BANP: variants seen among roughly 807,000 people sequenced by gnomAD.
BANP encodes the protein protein BANP.
Under a neutral mutation model 68.1 loss-of-function variants are expected in BANP, and 11 were observed. The ratio of observed to expected loss-of-function variants is 0.16; its 90% CI spans 0.10 to 0.27. The LOEUF (loss-of-function observed/expected upper bound fraction) is 0.27. BANP is among the 10% of genes least tolerant of loss of function. BANP has a pLI of 1.00. For missense variants in BANP, 504 were observed against 722.7 expected, an observed-to-expected ratio of 0.70 and a Z score of 3.47; for synonymous variants, 329 against 303.2, an observed-to-expected ratio of 1.09 and a Z score of -0.88.
intron 10 of BANP, among the ~76,000 whole-genome samples, chr16:88,035,837 G>T (rs1316246740): frequency 6.6e-6 from 1 of 152,244 alleles, no homozygotes; most frequent in Non-Finnish European, 1.5e-5. Flanking sequence ...GATTTCATGG[G>T]ATGGTGGGGA....
chr16:88,033,582 C>T (rs2078673981), intron 9 of BANP, among the ~76,000 whole-genome samples: 3 of 152,208 alleles, frequency 2.0e-5, no homozygotes, highest in Admixed American at 2.0e-4. Context: ...TCCTGGGAAA[C>T]ATCGGAAATA....
chr16:88,034,596 C>G lies in BANP; in HGVS notation c.1201-727C>G, dbSNP rs376769959. Among the ~76,000 whole-genome samples the G allele has an allele frequency of 2.0e-4, 5 of 24,714 alleles. No individual in the cohort carries two copies. In the South Asian group the frequency reaches 0.015, roughly 74 times the overall value. 16.2% of individuals were successfully genotyped at this position (24,714 alleles called of 152,430 possible). Reference sequence around the variant, plus strand: ...TGTAGGCACGCCAACAGCTCCCCTGCTTCAGCCACACACTGCGTAGCCTCC... The same window carrying G: ...TGTAGGCACGCCAACAGCTCCCCTGGTTCAGCCACACACTGCGTAGCCTCC... On this transcript the variant is annotated intron_variant, in intron 9 of 13. Transcript: ENST00000682872.
chr16:88,019,744 A>T (rs1417392255), intron 7 of BANP, among the ~76,000 whole-genome samples: 2 of 144,252 alleles, frequency 1.4e-5, no homozygotes, highest in African/African-American at 2.5e-5. Flanking sequence ...GTGCAGGGCC[A>T]GCTGTTCCAG....
chr16:87,962,248 AAAAAAAAAG>A (rs1785374813), intron 1 of BANP, among the ~76,000 whole-genome samples: 2 of 150,806 alleles, frequency 1.3e-5, no homozygotes, highest in African/African-American at 4.9e-5. Flanking sequence ...TCAAAAAAAA[AAAAAAAAAG>A]AAAGCACATT....
chr16:88,074,619 C>G (rs1323307084), intron 13 of BANP, among the ~76,000 whole-genome samples: 2 of 152,134 alleles, frequency 1.3e-5, no homozygotes, highest in Non-Finnish European at 2.9e-5. Flanking sequence ...GCCCCACTGT[C>G]CCCACCCACC....
At chr16:87,981,315 T>C (rs1324667694) in intron 3 of BANP, among the ~76,000 whole-genome samples, 188 bp downstream of exon 3, 1 of 152,202 alleles carries the variant, frequency 6.6e-6, no homozygotes, top group Non-Finnish European at 1.5e-5. Context: ...CCTTCCTGCC[T>C]CTTCCAGCTT....
At chr16:88,039,407 G>T (rs562815619) in intron 11 of BANP, among the ~76,000 whole-genome samples, 2 of 144,170 alleles carry the variant, frequency 1.4e-5, no homozygotes, top group African/African-American at 4.9e-5. Context: ...AGGGCTCATA[G>T]CTGGCGGTCC....
intron 11 of BANP, among the ~76,000 whole-genome samples, chr16:88,055,705 G>A (rs2152845980): frequency 6.6e-6 from 1 of 152,218 alleles, no homozygotes; most frequent in South Asian, 2.1e-4. Context: ...TTTCCAGGAG[G>A]CTTTAGGCCA....
chr16:87,981,345 C>G (rs2063226855), intron 3 of BANP, among the ~76,000 whole-genome samples: 1 of 152,220 alleles, frequency 6.6e-6, no homozygotes, highest in African/African-American at 2.4e-5. Flanking sequence ...CCGGCCCTGC[C>G]TCAGCTTGTG....
chr16:88,060,317 A>T (rs972659278), intron 11 of BANP, among the ~76,000 whole-genome samples: 17 of 152,098 alleles, frequency 1.1e-4, no homozygotes, highest in African/African-American at 4.1e-4. Context: ...CCTGCTGGTC[A>T]CTCCTCCACT....
intron 13 of BANP, among the ~76,000 whole-genome samples, chr16:88,073,142 A>G (rs1477692479): frequency 6.6e-6 from 1 of 152,220 alleles, no homozygotes; most frequent in Non-Finnish European, 1.5e-5. Flanking sequence ...GGTCCTCCTC[A>G]GGAGGCGCTT....
At chr16:87,998,426 G>T (rs946839654) in intron 4 of BANP, among the ~76,000 whole-genome samples, 1 of 149,992 alleles carries the variant, frequency 6.7e-6, no homozygotes, top group African/African-American at 2.4e-5. Flanking sequence ...TGCTGTCTGT[G>T]CCATCTGCGT....
At position 88,076,889 on chromosome 16, in the gene BANP, C is replaced by G. The variant is rs2091707309; in HGVS notation, c.*228C>G. 1.9e-6 allele frequency: 1 copy of G among 538,578 alleles called. No individual in the cohort carries two copies. Among genetic ancestry groups the G allele is most frequent in the African/African-American group, 1.9e-5 (1 of 51,984 alleles). The allele number at this position is 538,578 out of a possible 1,614,324, so 33.4% of individuals were successfully genotyped here. A position where few individuals can be genotyped will look rare whatever the true frequency, so the allele number is the denominator to read the frequency against. On this transcript the variant is annotated 3_prime_UTR_variant, in exon 14 of 14. Transcript: ENST00000682872. Reference sequence around the variant, plus strand: ...TTGAGTCCTGCTGTTGGTGTCGGAGCACGAGGGGAGGCACGGTGCGGAGAG... The same window carrying G: ...TTGAGTCCTGCTGTTGGTGTCGGAGGACGAGGGGAGGCACGGTGCGGAGAG...
intron 4 of BANP, among the ~76,000 whole-genome samples, chr16:87,984,622 T>A (rs2063932897): frequency 6.6e-6 from 1 of 152,262 alleles, no homozygotes; most frequent in South Asian, 2.1e-4. Context: ...TTTATACATT[T>A]CACATGAATA....
chr16:88,045,467 G>A (rs1210560934), intron 11 of BANP, among the ~76,000 whole-genome samples: 4 of 152,250 alleles, frequency 2.6e-5, no homozygotes, highest in African/African-American at 9.6e-5. Flanking sequence ...AGCAGCCCTT[G>A]GGGGCCAGAG....
intron 5 of BANP, among the ~76,000 whole-genome samples, chr16:88,005,826 G>T (rs190778712): frequency 1.1e-3 from 168 of 152,360 alleles, no homozygotes; most frequent in Middle Eastern, 6.8e-3. Context: ...CTAGGCCTGA[G>T]TCCCAGTGAG....
At position 88,076,595 on chromosome 16, in the gene BANP, C is replaced by G. The variant is rs966909294; in HGVS notation, c.1527C>G (p.Ala509=). ...VSDHTAGAQT[A]EALQPTLQPE... Reference sequence around the variant, plus strand: ...CTCCTTTCTCCCTTTTGCAGACGGCCGAAGCCCTGCAGCCCACGCTACAGC... The same window carrying G: ...CTCCTTTCTCCCTTTTGCAGACGGCGGAAGCCCTGCAGCCCACGCTACAGC... Residue 509 remains alanine (A), a synonymous_variant, in exon 14 of 14, where the codon GCC becomes GCG. Transcript: ENST00000682872. The G allele has an allele frequency of 5.0e-6, 8 of 1,612,420 alleles. No individual in the cohort carries two copies. Among genetic ancestry groups the G allele is most frequent in the Admixed American group, 3.3e-5 (2 of 59,970 alleles).
intron 1 of BANP, among the ~76,000 whole-genome samples, chr16:87,965,972 A>G (rs2059946349): frequency 6.6e-6 from 1 of 152,180 alleles, no homozygotes; most frequent in Admixed American, 6.5e-5. Context: ...GCTATTTGTC[A>G]TCCCCAACTG....
intron 6 of BANP, among the ~76,000 whole-genome samples, chr16:88,015,365 A>C (rs2074294536): frequency 6.6e-6 from 1 of 152,032 alleles, no homozygotes; most frequent in Admixed American, 6.6e-5. Context: ...TGCCTGTGCC[A>C]GTTCAGCTCG....
Sources: gnomAD v4.1 joint callset for allele counts (sites outside exome capture counted in the v4.1 genomes callset) on GRCh38, gnomAD v4.1.1 for gene constraint, MANE v1.5 for transcripts, NCBI Gene and HGNC (gene_info 2026-07-23, HGNC 2026-07-21) for gene names.